SHROOM3: variants seen among roughly 807,000 people sequenced by gnomAD.
SHROOM3 encodes protein Shroom3.
A neutral mutation model predicts 138.6 loss-of-function variants in SHROOM3; 47 were observed. The observed-to-expected ratio is 0.34, with a 90% CI of 0.27 to 0.43. The LOEUF is 0.43. SHROOM3 is among the 20% of genes least tolerant of loss of function. The pLI, the probability that SHROOM3 is intolerant of heterozygous loss-of-function variation, is 1.00. For synonymous variants in SHROOM3, 1,062 were observed against 1,063.3 expected, an observed-to-expected ratio of 1.00 and a Z score of 0.02; for missense variants, 2,491 against 2,596.5, an observed-to-expected ratio of 0.96 and a Z score of 0.88.
At chr4:76,567,359 A>AC (rs748703621) in intron 2 of SHROOM3, among the ~76,000 whole-genome samples, 1 of 151,934 alleles carries the variant, frequency 6.6e-6, no homozygotes, top group African/African-American at 2.4e-5. Context: ...ACATGGTGAA[A>AC]CCCCGTCTCA....
chr4:76,663,087 G>A (rs1332592587), intron 2 of SHROOM3, among the ~76,000 whole-genome samples: 1 of 152,160 alleles, frequency 6.6e-6, no homozygotes, highest in Non-Finnish European at 1.5e-5. Flanking sequence ...GGACTTTGCG[G>A]TTTGGTAATT....
intron 9 of SHROOM3, among the ~76,000 whole-genome samples, chr4:76,767,606 G>A (rs1252164814): frequency 6.6e-6 from 1 of 152,102 alleles, no homozygotes; most frequent in African/African-American, 2.4e-5. Context: ...GAACCCAGGA[G>A]GCAAGAGTTT....
intron 1 of SHROOM3, among the ~76,000 whole-genome samples, chr4:76,507,657 C>A (rs1323352984): frequency 1.3e-5 from 2 of 151,722 alleles, no homozygotes; most frequent in African/African-American, 4.8e-5. Flanking sequence ...CTGCCTCAGC[C>A]CCTCCCGAGT....
intron 2 of SHROOM3, among the ~76,000 whole-genome samples, chr4:76,566,080 G>T (rs1366868575): frequency 7.1e-6 from 1 of 141,186 alleles, no homozygotes; most frequent in Non-Finnish European, 1.5e-5. Context: ...CTGCACTCTA[G>T]CCTGGGCGAC....
chr4:76,676,922 G>T (rs1358149910), intron 2 of SHROOM3, among the ~76,000 whole-genome samples: 134 of 125,188 alleles, frequency 1.1e-3, no homozygotes, highest in African/African-American at 4.2e-3. Flanking sequence ...CAGCCTGGGC[G>T]ACAGAGCGAG....
At chr4:76,686,905 C>T (rs1211624612) in intron 2 of SHROOM3, among the ~76,000 whole-genome samples, 2 of 152,188 alleles carry the variant, frequency 1.3e-5, no homozygotes, top group African/African-American at 4.8e-5. Flanking sequence ...TCAGGACCAC[C>T]TGCGGGACCT....
chr4:76,771,400 C>T (rs886403808), intron 10 of SHROOM3, among the ~76,000 whole-genome samples: 2 of 151,952 alleles, frequency 1.3e-5, no homozygotes, highest in African/African-American at 4.8e-5. Context: ...GTACTGCTGA[C>T]ACTTAAGGCT....
At chr4:76,684,782 T>C (rs190263636) in intron 2 of SHROOM3, among the ~76,000 whole-genome samples, 1 of 152,332 alleles carries the variant, frequency 6.6e-6, no homozygotes, top group Non-Finnish European at 1.5e-5. Context: ...AAGACTGTGA[T>C]AGAGATGTTA....
intron 9 of SHROOM3, among the ~76,000 whole-genome samples, chr4:76,767,344 GC>G (rs1474900716): frequency 6.6e-6 from 1 of 152,150 alleles, no homozygotes; most frequent in Non-Finnish European, 1.5e-5. Flanking sequence ...CTTGGTTTCT[GC>G]CCATTTGCAA....
chr4:76,531,363 G>C (rs1427459371), intron 1 of SHROOM3, among the ~76,000 whole-genome samples: 1 of 152,158 alleles, frequency 6.6e-6, no homozygotes, highest in African/African-American at 2.4e-5. Flanking sequence ...AGTATAAAGA[G>C]CACAGTCTTT....
intron 4 of SHROOM3, among the ~76,000 whole-genome samples, chr4:76,733,834 G>A (rs1021129333): frequency 1.3e-5 from 2 of 152,178 alleles, no homozygotes; most frequent in African/African-American, 4.8e-5. Context: ...GTGAGAGAGA[G>A]AGAGAAAGAG....
chr4:76,624,073 G>A (rs1019947837), intron 2 of SHROOM3, among the ~76,000 whole-genome samples: 1 of 152,014 alleles, frequency 6.6e-6, no homozygotes, highest in Non-Finnish European at 1.5e-5. Flanking sequence ...TCAAATATCC[G>A]CTTATGTTGG....
chr4:76,573,765 C>G (rs1733881256), intron 2 of SHROOM3: 9 of 152,724 alleles, frequency 5.9e-5, no homozygotes, highest in Admixed American at 5.9e-4. Flanking sequence ...TCAGTCTCTG[C>G]TCAGCTCCCC....
rs978767893 is a variant in SHROOM3 at position 76,688,565 on chromosome 4, A to G, written c.324-21591A>G. ...TTCATCTCTGGAGGTGACACGTGAG[A>G]GCAATTAAGAGAGGACTCTGAGGGG... On this transcript the variant is annotated intron_variant, in intron 2 of 10. Transcript: ENST00000296043. The G allele has an allele frequency of 3.0e-6, 3 of 985,288 alleles. No homozygotes were observed. In the African/African-American group the frequency reaches 5.2e-5, roughly 17 times the overall value. The allele number at this position is 985,288 out of a possible 1,614,324, so 61.0% of individuals were successfully genotyped here. A position where few individuals can be genotyped will look rare whatever the true frequency, so the allele number is the denominator to read the frequency against.
At chr4:76,773,403 A>G (rs1722439270) in intron 10 of SHROOM3, among the ~76,000 whole-genome samples, 1 of 151,592 alleles carries the variant, frequency 6.6e-6, no homozygotes, top group South Asian at 2.1e-4. Flanking sequence ...AGCTATGGGA[A>G]TATTAGAAAC....
chr4:76,739,227 C>CGGGGCAAGGGAGTGCCACCCCCATCCT lies in SHROOM3; in HGVS notation c.1057_1083dup (p.Gly353_Trp361dup). 6.2e-7 allele frequency: 1 copy of CGGGGCAAGGGAGTGCCACCCCCATCCT among 1,614,100 alleles called. No individual in the cohort carries two copies. The highest frequency in any genetic ancestry group is 8.5e-7 in the Non-Finnish European group (1 of 1,180,030). On this transcript the variant is annotated inframe_insertion, in exon 5 of 11. Transcript: ENST00000296043. Reference sequence around the variant, plus strand: ...CTATGATAAATGGTCTAATATTCCTCGGGGCAAGGGAGTGCCACCCCCATC... The same window carrying CGGGGCAAGGGAGTGCCACCCCCATCCT: ...CTATGATAAATGGTCTAATATTCCTCGGGGCAAGGGAGTGCCACCCCCATCCTGGGGCAAGGGAGTGCCACCCCCATC...
At chr4:76,440,032 A>G (rs1016992479) in intron 1 of SHROOM3, among the ~76,000 whole-genome samples, 2 of 152,196 alleles carry the variant, frequency 1.3e-5, no homozygotes, top group Non-Finnish European at 2.9e-5. Flanking sequence ...TTTTATTATG[A>G]TTCACTTACT....
intron 2 of SHROOM3, among the ~76,000 whole-genome samples, chr4:76,566,867 C>T (rs1431244537): frequency 6.6e-6 from 1 of 152,208 alleles, no homozygotes; most frequent in African/African-American, 2.4e-5. Context: ...TGGGCATCTT[C>T]GCATGTGGCA....
rs185473191 is a variant in SHROOM3, at chr4:76,649,854, T to G, written c.324-60302T>G. Among the ~76,000 whole-genome samples the G allele has an allele frequency of 1.2e-3, 187 of 152,296 alleles. 2 individuals are homozygous for G. The highest frequency in any genetic ancestry group is 4.3e-3 in the African/African-American group (180 of 41,564). On this transcript the variant is annotated intron_variant, in intron 2 of 10. Transcript: ENST00000296043. Reference sequence around the variant, plus strand: ...TACACTTTCTTATCACCATCTGCATTAGTCTACTTGGGCAGCCATAACAAA... The same window carrying G: ...TACACTTTCTTATCACCATCTGCATGAGTCTACTTGGGCAGCCATAACAAA...
Sources: allele counts gnomAD v4.1 joint callset (sites outside exome capture counted in the v4.1 genomes callset), GRCh38; gene constraint gnomAD v4.1.1; transcripts MANE v1.5; gene names NCBI Gene and HGNC (gene_info 2026-07-23, HGNC 2026-07-21).